Variants in TMEM168 observed in about 807,000 individuals in gnomAD.
TMEM168 encodes the protein transmembrane protein 168.
In TMEM168, 40 loss-of-function variants were observed where a neutral mutation model predicts 53.2. The ratio of observed to expected loss-of-function variants is 0.75; its 90% confidence interval spans 0.58 to 0.98. The LOEUF is 0.98. Ranked by LOEUF, TMEM168 falls within the 50% of genes least tolerant of loss-of-function variation. The pLI, the probability that TMEM168 is intolerant of heterozygous loss-of-function variation, is 0.00. For missense variants in TMEM168, 771 were observed against 828.8 expected, an observed-to-expected ratio of 0.93 and a Z score of 0.86; for synonymous variants, 282 against 293.0, an observed-to-expected ratio of 0.96 and a Z score of 0.38.
chr7:112,788,437 G>T (rs1793450922), intron 1 of TMEM168: 1 of 152,126 alleles, frequency 6.6e-6, no homozygotes, highest in South Asian at 2.1e-4. Context: ...TCCATATAAT[G>T]CAATATATGC....
intron 1 of TMEM168, among the ~76,000 whole-genome samples, chr7:112,789,198 T>A (rs950436053): frequency 7.9e-5 from 12 of 152,218 alleles, no homozygotes; most frequent in Admixed American, 7.2e-4. Flanking sequence ...ACTCTTCAGG[T>A]CTCAGATAAA....
At chr7:112,771,667 G>A (rs1305198296) in intron 4 of TMEM168, among the ~76,000 whole-genome samples, 2 of 152,062 alleles carry the variant, frequency 1.3e-5, no homozygotes, top group Non-Finnish European at 2.9e-5. Flanking sequence ...ATGAGATCAT[G>A]CTAGTTTAAA....
At chr7:112,780,809 GA>G (rs1793207001) in intron 2 of TMEM168, among the ~76,000 whole-genome samples, 1 of 152,114 alleles carries the variant, frequency 6.6e-6, no homozygotes, top group Non-Finnish European at 1.5e-5. Flanking sequence ...TCTAGGAACG[GA>G]AAACAGGTTG....
At chr7:112,785,227 G>T (rs1423491680) in intron 1 of TMEM168, among the ~76,000 whole-genome samples, 1 of 152,084 alleles carries the variant, frequency 6.6e-6, no homozygotes, top group Non-Finnish European at 1.5e-5. Context: ...AATTCATTCT[G>T]GTTTAAATAT....
In TMEM168 at chr7:112,784,052, A is replaced by T; in HGVS notation, c.774T>A (p.Arg258=). Residue 258 remains arginine, a synonymous_variant, in exon 2 of 5, where the codon CGT becomes CGA. Coordinates refer to ENST00000312814, the MANE Select transcript of TMEM168 (RefSeq NM_022484.6). ...VTERWKPFLY[R]GRICRRLSVV... ...CTGAAAGTCTTCTGCAAATTCTTCC[A>T]CGGTACAAAAAGGGTTTCCATCTTT... 1 of 1,612,238 alleles carries T rather than the reference A, an allele frequency of 6.2e-7. No homozygotes were observed. The highest frequency in any genetic ancestry group is 8.5e-7 in the Non-Finnish European group (1 of 1,179,594).
intron 1 of TMEM168, among the ~76,000 whole-genome samples, chr7:112,786,739 C>T (rs1312375044): frequency 6.6e-6 from 1 of 152,140 alleles, no homozygotes; most frequent in African/African-American, 2.4e-5. Context: ...AATTCACATA[C>T]TAGGCTAAAT....
At position 112,764,432 on chromosome 7, in the gene TMEM168, A is replaced by G. The variant is rs970354241; in HGVS notation, c.*2765T>C. The G allele has an allele frequency of 6.6e-6, 1 of 151,942 alleles. No homozygotes were observed. Among genetic ancestry groups the G allele is most frequent in the Non-Finnish European group, 1.5e-5 (1 of 67,996 alleles). The allele number at this position is 151,942 out of a possible 1,614,324, so 9.4% of individuals were successfully genotyped here. On this transcript the variant is annotated 3_prime_UTR_variant, in exon 5 of 5. Transcript: ENST00000312814. ...TTGTCAGATCTATTTTTCAATCTTT[A>G]GGTGAAAGTAACCAATCACTTTATT... is the stretch of plus-strand genomic sequence containing the variant.
chr7:112,784,271 TA>T lies in TMEM168; in HGVS notation c.554del (p.Val185GlufsTer6). The T allele has an allele frequency of 1.2e-6, 2 of 1,614,136 alleles. No homozygotes were observed. Among genetic ancestry groups the T allele is most frequent in the Non-Finnish European group, 1.7e-6 (2 of 1,180,012 alleles). ...EKSLSVILLVVALAMLIIDLR... is the reference protein window; with the variant it reads ...EKSLSVILLVXALAMLIIDLR... The stretch of plus-strand genomic sequence containing the variant: ...GATCAATAATCAGCATAGCCAGAGC[TA>T]CAACAAGCAAAATGACACTCAGAGA... On this transcript the variant is annotated frameshift_variant, in exon 2 of 5. Transcript: ENST00000312814. LOFTEE classifies it high-confidence loss of function.
Position 112,763,331 on chromosome 7 carries a change from A to T in TMEM168, c.*3866T>A, listed in dbSNP as rs1430900229. 1 of 152,264 alleles carries T rather than the reference A, an allele frequency of 6.6e-6. No homozygotes were observed. The highest frequency in any genetic ancestry group is 2.1e-4 in the South Asian group (1 of 4,822). 9.4% of individuals were successfully genotyped at this position (152,264 alleles called of 1,614,324 possible). On this transcript the variant is annotated 3_prime_UTR_variant, in exon 5 of 5. Transcript: ENST00000312814. The stretch of plus-strand genomic sequence containing the variant: ...AAATAATATCCATTTAAGTAAAACT[A>T]AAGAAAATGTAGTAATTTACAATCA...
At chr7:112,772,559 AT>A (rs1186947895) in intron 4 of TMEM168, among the ~76,000 whole-genome samples, 3 of 152,176 alleles carry the variant, frequency 2.0e-5, no homozygotes, top group Non-Finnish European at 4.4e-5. Context: ...GTCTCAAAGC[AT>A]TTTTTTCCTT....
intron 2 of TMEM168, among the ~76,000 whole-genome samples, chr7:112,778,020 C>A (rs956156738): frequency 4.6e-5 from 7 of 151,284 alleles, no homozygotes. Flanking sequence ...GATAATGATA[C>A]CTTCTCCTAG....
At chr7:112,772,169 T>C (rs909621020) in intron 4 of TMEM168, among the ~76,000 whole-genome samples, 1 of 152,168 alleles carries the variant, frequency 6.6e-6, no homozygotes, top group African/African-American at 2.4e-5. Flanking sequence ...TTATTTTATG[T>C]TTTTTCAAAT....
chr7:112,769,374 T>A (rs1273137099), intron 4 of TMEM168, among the ~76,000 whole-genome samples: 1 of 152,206 alleles, frequency 6.6e-6, no homozygotes, highest in Non-Finnish European at 1.5e-5. Context: ...TAACTCTCCA[T>A]TATTGTCAGC....
rs556880288 is a variant in TMEM168, at chr7:112,775,600, GAA to G, written c.1129-284_1129-283del. ...GTCAAATAACATCCTATCCAGACGA[GAA>G]AAAAAAAAAAAACAAAACAAACCAA... On this transcript the variant is annotated intron_variant, in intron 2 of 4. Transcript: ENST00000312814. Among the ~76,000 whole-genome samples the G allele has an allele frequency of 7.0e-3, 777 of 110,520 alleles. 1 individual carries two copies. The highest frequency in any genetic ancestry group is 0.022 in the African/African-American group (715 of 32,762). The allele number at this position is 110,520 out of a possible 152,430, so 72.5% of individuals were successfully genotyped here.
chr7:112,783,948 A>T lies in TMEM168; in HGVS notation c.878T>A (p.Phe293Tyr). Residue 293 changes from phenylalanine to tyrosine, a missense_variant, in exon 2 of 5, where the codon TTT becomes TAT. Coordinates refer to ENST00000312814, the MANE Select transcript of TMEM168 (RefSeq NM_022484.6). The stretch of plus-strand genomic sequence containing the variant: ...AAAAATGGAAAAGCCAGGTATTACA[A>T]AATACCAGAGGTGAGTGTCTCTAAG... ...FKLRDTHLWY[F>Y]VIPGFSIFGI... is the part of the protein sequence containing the mutation. 6.2e-7 allele frequency: 1 copy of T among 1,607,922 alleles called. No homozygotes were observed. Among genetic ancestry groups the T allele is most frequent in the East Asian group, 2.2e-5 (1 of 44,844 alleles).
In TMEM168 at chr7:112,772,993, G is replaced by A. The variant is rs761474942; in HGVS notation, c.1334C>T (p.Thr445Ile). 1.6e-5 allele frequency: 26 copies of A among 1,613,832 alleles called. No individual in the cohort carries two copies. Among genetic ancestry groups the A allele is most frequent in the Non-Finnish European group, 2.2e-5 (26 of 1,179,770 alleles). Residue 445 changes from threonine (T) to isoleucine (I), a missense_variant, in exon 4 of 5, where the codon ACT becomes ATT. Physicochemically the swap from Thr to Ile is moderately conservative, Grantham distance 89. Coordinates refer to ENST00000312814, the MANE Select transcript of TMEM168 (RefSeq NM_022484.6). ...EHVQELNLRS[T>I]GMLNAIQRFF... ...TCTTTGGATAGCATTGAGCATGCCA[G>A]TAGACCTCAAATTTAACTCCTGTAC... is the stretch of plus-strand genomic sequence containing the variant.
chr7:112,776,165 C>T (rs1018255769), intron 2 of TMEM168, among the ~76,000 whole-genome samples: 2 of 151,728 alleles, frequency 1.3e-5, no homozygotes, highest in Admixed American at 6.6e-5. Context: ...GCTATAAAAA[C>T]GAATTCCGTT....
intron 2 of TMEM168, among the ~76,000 whole-genome samples, chr7:112,775,612 A>AC (rs1793060621): frequency 6.6e-6 from 1 of 151,768 alleles, no homozygotes; most frequent in Non-Finnish European, 1.5e-5. Flanking sequence ...AAAAAAAAAA[A>AC]AACAAAACAA....
chr7:112,783,547 C>A, intron 2 of TMEM168, 151 bp downstream of exon 2: 2 of 783,262 alleles, frequency 2.6e-6, no homozygotes, highest in Non-Finnish European at 3.7e-6. Context: ...TCTTGAAACA[C>A]ATTCAGTGCT....
Sources: allele counts gnomAD v4.1 joint callset (sites outside exome capture counted in the v4.1 genomes callset), GRCh38; gene constraint gnomAD v4.1.1; transcripts MANE v1.5; gene names NCBI Gene and HGNC (gene_info 2026-07-23, HGNC 2026-07-21).